The following OTOG variants were observed in gnomAD, a reference collection of about 807,000 sequenced individuals.
The protein encoded by OTOG is otogelin.
OTOG carries 296 observed loss-of-function variants against 313.8 expected under a neutral mutation model. The ratio of observed to expected loss-of-function variants is 0.94; its 90% CI spans 0.86 to 1.04. The LOEUF (loss-of-function observed/expected upper bound fraction) is 1.04, where lower values mean the gene tolerates loss of function less well. Ranked by LOEUF, OTOG falls within the 50% of genes least tolerant of loss-of-function variation. OTOG has a pLI of 0.00. For missense variants in OTOG, 3,948 were observed against 3,840.1 expected, an observed-to-expected ratio of 1.03 and a Z score of -0.74; for synonymous variants, 1,533 against 1,554.9, an observed-to-expected ratio of 0.99 and a Z score of 0.33.
rs1050212942 is a variant in OTOG at position 17,553,147 on chromosome 11, G to A, written c.321G>A (p.Glu107=). 1.5e-5 allele frequency: 23 copies of A among 1,550,462 alleles called. No individual in the cohort carries two copies. In the African/African-American group the frequency reaches 2.6e-4, roughly 18 times the overall value. Residue 107 remains glutamate, a synonymous_variant, in exon 5 of 56, where the codon GAG becomes GAA. Coordinates refer to ENST00000399397, the MANE Select transcript of OTOG (RefSeq NM_001292063.2). ...TGTTCTCCTGCTTCAATGGAGGCGA[G>A]TGTGTGCACCCAGCCTTCTGTGACT... ...SYLFSCFNGG[E]CVHPAFCDCR... is the part of the protein sequence containing the mutation.
At chr11:17,636,044 C>T (rs1287511589) in intron 47 of OTOG, among the ~76,000 whole-genome samples, 2 of 152,250 alleles carry the variant, frequency 1.3e-5, no homozygotes, top group East Asian at 1.9e-4. Flanking sequence ...ACCCAAGGCT[C>T]CCCTTCAGGG....
Position 17,632,157 on chromosome 11 carries a change from C to T in OTOG, c.7003C>T (p.Leu2335=). The change falls in exon 42 of 56, where the codon CTG becomes TTG. Residue 2335 remains leucine (L), a synonymous_variant. Transcript: ENST00000399397. ...TKYVQQPCVA[L]TVYVAMCHKF... The stretch of plus-strand genomic sequence containing the variant: ...GTACGTGCAGCAGCCCTGCGTGGCC[C>T]TGACTGTGTACGTGGCCATGTGCCA... 4.5e-6 allele frequency: 7 copies of T among 1,551,104 alleles called. No individual in the cohort carries two copies. Among genetic ancestry groups the T allele is most frequent in the Non-Finnish European group, 6.1e-6 (7 of 1,147,006 alleles).
rs755383141 is a variant in OTOG at position 17,561,786 on chromosome 11, G to A, written c.1623G>A (p.Leu541=). 98 of 1,550,268 alleles carry A rather than the reference G, an allele frequency of 6.3e-5. No individual in the cohort carries two copies. In the African/African-American group the frequency reaches 1.3e-3, roughly 20 times the overall value. Residue 541 remains leucine, a synonymous_variant, in exon 15 of 56, where the codon TTG becomes TTA. Coordinates refer to ENST00000399397, the MANE Select transcript of OTOG (RefSeq NM_001292063.2). ...CTTCGGGCACCTTCACCGTGACATT[G>A]CAGAATGCCCCATGTGGCCTGGTAA... ...SRSSGTFTVT[L]QNAPCGLNQD... is the part of the protein sequence containing the mutation.
intron 53 of OTOG, 106 bp downstream of exon 53, chr11:17,642,352 T>A: frequency 7.2e-7 from 1 of 1,385,390 alleles, no homozygotes; most frequent in Non-Finnish European, 9.5e-7. Flanking sequence ...AAGGGCTCCC[T>A]GGAGCCTGTG....
At chr11:17,613,251 CTTTCT>C (rs1853631317) in intron 38 of OTOG, among the ~76,000 whole-genome samples, 3 of 123,022 alleles carry the variant, frequency 2.4e-5, no homozygotes, top group African/African-American at 3.6e-5. Context: ...TTCTTTCTTT[CTTTCT>C]TTCTTTCTTT....
Position 17,578,414 on chromosome 11 carries a change from G to A in OTOG, c.2647G>A (p.Asp883Asn), listed in dbSNP as rs560036172. The A allele has an allele frequency of 4.7e-5, 72 of 1,539,914 alleles. No homozygotes were observed. Among genetic ancestry groups the A allele is most frequent in the African/African-American group, 2.7e-4 (20 of 73,136 alleles). Reference sequence around the variant, plus strand: ...AGGCCAGGTCTTCGTGAACTGCAGCGACCTGCACACGGACCTGGAGCTGAG... The same window carrying A: ...AGGCCAGGTCTTCGTGAACTGCAGCAACCTGCACACGGACCTGGAGCTGAG... ...PAGQVFVNCS[D>N]LHTDLELSRE... Residue 883 changes from aspartate (D) to asparagine (N), a missense_variant, in exon 23 of 56, where the codon GAC becomes AAC. Physicochemically the swap from Asp to Asn is conservative, Grantham distance 23. Transcript: ENST00000399397.
intron 17 of OTOG, among the ~76,000 whole-genome samples, chr11:17,571,174 G>A (rs1317505357): frequency 6.6e-6 from 1 of 152,216 alleles, no homozygotes; most frequent in African/African-American, 2.4e-5. Flanking sequence ...GCTTTTCAAT[G>A]CATATATATT....
rs1274807966 is a variant in OTOG at position 17,583,842 on chromosome 11, A to C, written c.2760-2632A>C. Among the ~76,000 whole-genome samples, 3 of 149,884 alleles carry C rather than the reference A, an allele frequency of 2.0e-5. 1 individual carries two copies. Among genetic ancestry groups the C allele is most frequent in the Non-Finnish European group, 4.4e-5 (3 of 67,620 alleles). On this transcript the variant is annotated intron_variant, in intron 23 of 55. Coordinates refer to ENST00000399397, the MANE Select transcript of OTOG (RefSeq NM_001292063.2). ...TAGGATCAGCTTATCAATTTCTACC[A>C]AAAAAAAAGCCCCTGAGATTTTGAA... is the stretch of plus-strand genomic sequence containing the variant.
In OTOG at chr11:17,570,304, A is replaced by G; in HGVS notation, c.1869A>G (p.Arg623=). The change falls in exon 17 of 56, where the codon CGA becomes CGG. Residue 623 remains arginine, a synonymous_variant. Coordinates refer to ENST00000399397, the MANE Select transcript of OTOG (RefSeq NM_001292063.2). ...TGCTCTACGACCGTGAAGGGCTCCGACTGTACCTGCAAGTGGACCAGCGAT... is the reference window on the plus strand; with the variant it reads ...TGCTCTACGACCGTGAAGGGCTCCGGCTGTACCTGCAAGTGGACCAGCGAT... ...VRVLYDREGL[R]LYLQVDQRWV... 1.3e-6 allele frequency: 2 copies of G among 1,550,762 alleles called. No individual in the cohort carries two copies. The highest frequency in any genetic ancestry group is 1.7e-6 in the Non-Finnish European group (2 of 1,147,036).
Position 17,599,677 on chromosome 11 carries a change from A to G in OTOG, c.3689A>G (p.Asp1230Gly), listed in dbSNP as rs761440858. The change falls in exon 31 of 56, where the codon GAC becomes GGC. Residue 1230 changes from aspartate (D) to glycine (G), a missense_variant. Coordinates refer to ENST00000399397, the MANE Select transcript of OTOG (RefSeq NM_001292063.2). The stretch of plus-strand genomic sequence containing the variant: ...CCTGTTCTCTCTCTTTCAGCGTATG[A>G]CTGTGACTTCTTTAACAAAGGTAAG... Reference protein sequence around the residue: ...DWRTPRLCPYDCDFFNKVLGK... With the variant: ...DWRTPRLCPYGCDFFNKVLGK... 4.3e-5 allele frequency: 67 copies of G among 1,550,528 alleles called. No individual in the cohort carries two copies. Among genetic ancestry groups the G allele is most frequent in the Non-Finnish European group, 5.7e-5 (65 of 1,147,018 alleles).
chr11:17,599,404 G>A (rs1354323630), intron 30 of OTOG, among the ~76,000 whole-genome samples: 3 of 152,202 alleles, frequency 2.0e-5, no homozygotes, highest in Non-Finnish European at 4.4e-5. Context: ...ACATTCATTC[G>A]TTTGTTCATT....
chr11:17,596,831 T>C lies in OTOG; in HGVS notation c.3526-20T>C. The C allele has an allele frequency of 6.5e-7, 1 of 1,548,832 alleles. No homozygotes were observed. The highest frequency in any genetic ancestry group is 8.7e-7 in the Non-Finnish European group (1 of 1,145,330). ...CATTTGGGATCTGTCCTCTGACCTC[T>C]AACTTCTGACCTTCTCCAGGTTGAT... On this transcript the variant is annotated intron_variant, in intron 29 of 55. Transcript: ENST00000399397.
At chr11:17,603,894 G>A (rs1233721786) in intron 32 of OTOG, among the ~76,000 whole-genome samples, 1 of 152,138 alleles carries the variant, frequency 6.6e-6, no homozygotes, top group Non-Finnish European at 1.5e-5. Context: ...TTTGTGGTGG[G>A]GAGGTTACTT....
intron 23 of OTOG, among the ~76,000 whole-genome samples, chr11:17,584,926 C>T (rs1852758738): frequency 6.6e-6 from 1 of 152,182 alleles, no homozygotes; most frequent in African/African-American, 2.4e-5. Flanking sequence ...TTAAACCAGT[C>T]TTACATTCCT....
chr11:17,596,907 G>A lies in OTOG; in HGVS notation c.3582G>A (p.Gln1194=), dbSNP rs1313631726. 1.3e-6 allele frequency: 2 copies of A among 1,550,880 alleles called. No individual in the cohort carries two copies. Among genetic ancestry groups the A allele is most frequent in the African/African-American group, 2.7e-5 (2 of 73,050 alleles). The change falls in exon 30 of 56, where the codon CAG becomes CAA. Residue 1194 remains glutamine, a synonymous_variant. Transcript: ENST00000399397. The stretch of plus-strand genomic sequence containing the variant: ...TGACAGACACATGTGGCTGCAGCCA[G>A]GGTGGTGACTGTGAGTGCTTCTGTG... ...NCLTDTCGCS[Q]GGDCECFCAS...
intron 10 of OTOG, 40 bp from the exon 11 acceptor site, chr11:17,559,012 T>C: frequency 6.7e-7 from 1 of 1,488,206 alleles, no homozygotes; most frequent in African/African-American, 1.4e-5. Flanking sequence ...GGTGGCACTT[T>C]GGGTTTTGTT....
At chr11:17,549,184 T>C (rs1851878675) in intron 3 of OTOG, among the ~76,000 whole-genome samples, 1 of 152,214 alleles carries the variant, frequency 6.6e-6, no homozygotes, top group Admixed American at 6.5e-5. Context: ...TCCCTCTTTC[T>C]ATAACTACAG....
intron 15 of OTOG, among the ~76,000 whole-genome samples, chr11:17,565,347 G>A (rs1852275024): frequency 1.3e-5 from 2 of 152,088 alleles, no homozygotes; most frequent in African/African-American, 2.4e-5. Flanking sequence ...TTTTTTTTGG[G>A]AGGAAGATCA....
At chr11:17,552,992 C>A (rs377648102) in intron 4 of OTOG, 127 bp from the exon 5 acceptor site, 7 of 814,506 alleles carry the variant, frequency 8.6e-6, no homozygotes. Context: ...GTGCTAGCTG[C>A]TGAGGAATGT....
Sources: allele counts gnomAD v4.1 joint callset (sites outside exome capture counted in the v4.1 genomes callset), GRCh38; gene constraint gnomAD v4.1.1; transcripts MANE v1.5; gene names NCBI Gene and HGNC (gene_info 2026-07-23, HGNC 2026-07-21).